Variants in PDE10A observed in about 807,000 individuals in gnomAD.
The protein encoded by PDE10A is cAMP and cAMP-inhibited cGMP 3',5'-cyclic phosphodiesterase 10A.
Under a neutral mutation model 97.7 loss-of-function variants are expected in PDE10A, and 39 were observed. The observed-to-expected ratio is 0.40, with a 90% CI of 0.31 to 0.52. PDE10A has a LOEUF of 0.52. Ranked by LOEUF, PDE10A falls within the 20% of genes least tolerant of loss-of-function variation. The pLI, the probability that PDE10A is intolerant of heterozygous loss-of-function variation, is 0.56. For synonymous variants in PDE10A, 371 were observed against 376.8 expected (o/e 0.98, Z 0.18); for missense variants, 731 against 1,047.8 (o/e 0.70, Z 4.17).
intron 1 of PDE10A, among the ~76,000 whole-genome samples, chr6:165,591,777 A>T (rs565972914): frequency 6.6e-6 from 1 of 152,318 alleles, no homozygotes; most frequent in African/African-American, 2.4e-5. Context: ...ATTGCCTTGA[A>T]TGGGGTTCTA....
intron 2 of PDE10A, among the ~76,000 whole-genome samples, chr6:165,504,079 C>T (rs887266598): frequency 3.9e-5 from 6 of 152,094 alleles, no homozygotes; most frequent in Admixed American, 1.3e-4. Flanking sequence ...AAAAGCACTG[C>T]GACTTATGGC....
At chr6:165,743,376 A>G (rs895273284) in intron 1 of PDE10A, among the ~76,000 whole-genome samples, 3 of 152,236 alleles carry the variant, frequency 2.0e-5, no homozygotes, top group African/African-American at 7.2e-5. Context: ...ACATTTGCAC[A>G]GTACTAATAA....
rs115523585 is a variant in PDE10A, at chr6:165,339,789, C to T, written c.2896-431G>A. Reference sequence around the variant, plus strand: ...ACAGAGGAAGATAAACATCACCAGTCGACTAAAATGTGCTAGTAAAGACGC... The same window carrying T: ...ACAGAGGAAGATAAACATCACCAGTTGACTAAAATGTGCTAGTAAAGACGC... On this transcript the variant is annotated intron_variant, in intron 19 of 21. Transcript: ENST00000539869. Among the ~76,000 whole-genome samples the T allele has an allele frequency of 1.2e-3, 178 of 152,232 alleles. 1 individual carries two copies. The highest frequency in any genetic ancestry group is 3.7e-3 in the African/African-American group (153 of 41,534).
At chr6:165,354,421 T>C (rs1182041937) in intron 18 of PDE10A, among the ~76,000 whole-genome samples, 3 of 152,212 alleles carry the variant, frequency 2.0e-5, no homozygotes, top group African/African-American at 7.2e-5. Context: ...ATCTTGTTTC[T>C]TTTGAACATG....
intron 5 of PDE10A, among the ~76,000 whole-genome samples, chr6:165,445,816 A>C (rs926078545): frequency 6.6e-6 from 1 of 152,190 alleles, no homozygotes; most frequent in Admixed American, 6.5e-5. Flanking sequence ...TCTCCAAGAA[A>C]GAAACTAGAA....
chr6:165,654,607 A>G (rs1789843549), intron 1 of PDE10A, among the ~76,000 whole-genome samples: 1 of 151,862 alleles, frequency 6.6e-6, no homozygotes, highest in Admixed American at 6.6e-5. Context: ...CCGACTTCCT[A>G]TTTCATCAAG....
At chr6:165,677,507 C>G (rs552580571) in intron 1 of PDE10A, among the ~76,000 whole-genome samples, 4 of 152,236 alleles carry the variant, frequency 2.6e-5, no homozygotes, top group African/African-American at 9.6e-5. Context: ...GCACTGAACA[C>G]CTCAAGACCT....
chr6:165,838,577 C>T (rs1409263873), intron 1 of PDE10A, among the ~76,000 whole-genome samples: 1 of 152,188 alleles, frequency 6.6e-6, no homozygotes, highest in African/African-American at 2.4e-5. Context: ...TTTCTCCTCC[C>T]CCAGCCCTGA....
At chr6:165,627,766 T>C (rs1008771278) in intron 1 of PDE10A, among the ~76,000 whole-genome samples, 1 of 152,260 alleles carries the variant, frequency 6.6e-6, no homozygotes, top group African/African-American at 2.4e-5. Context: ...ACTAAATATC[T>C]TTATTTTCCA....
chr6:165,519,019 AAAG>A (rs1781982630), intron 2 of PDE10A, among the ~76,000 whole-genome samples: 2 of 152,210 alleles, frequency 1.3e-5, no homozygotes, highest in South Asian at 4.1e-4. Context: ...TTTTGAATAA[AAAG>A]AAAGATGAGG....
At chr6:165,772,633 C>A (rs35184789) in intron 1 of PDE10A, among the ~76,000 whole-genome samples, 23,785 of 152,004 alleles carry the variant, frequency 0.16, 2,546 homozygotes, top group East Asian at 0.45. Flanking sequence ...TATGGTCCCA[C>A]GATGATGATT....
chr6:165,461,848 C>T (rs757572607), intron 3 of PDE10A, among the ~76,000 whole-genome samples: 3 of 152,240 alleles, frequency 2.0e-5, no homozygotes, highest in Non-Finnish European at 2.9e-5. Context: ...TATTATCCAA[C>T]GATGCCCAAC....
intron 1 of PDE10A, among the ~76,000 whole-genome samples, chr6:165,946,066 A>C (rs1783756111): frequency 9.4e-6 from 1 of 105,922 alleles, no homozygotes; most frequent in African/African-American, 5.3e-5. Flanking sequence ...TTGGGGTCAT[A>C]ACCAAAAAAA....
At chr6:165,427,613 C>T (rs1006553113) in intron 10 of PDE10A, among the ~76,000 whole-genome samples, 4 of 152,012 alleles carry the variant, frequency 2.6e-5, no homozygotes, top group Non-Finnish European at 4.4e-5. Context: ...ACCACTGAAT[C>T]GCACACTTTA....
chr6:165,397,373 G>A (rs1345194084), intron 13 of PDE10A, among the ~76,000 whole-genome samples: 1 of 152,062 alleles, frequency 6.6e-6, no homozygotes, highest in East Asian at 1.9e-4. Context: ...TTTTCTAAAG[G>A]ATAGTTCACC....
intron 1 of PDE10A, among the ~76,000 whole-genome samples, chr6:165,554,292 A>G (rs1159248061): frequency 6.6e-6 from 1 of 152,178 alleles, no homozygotes; most frequent in Non-Finnish European, 1.5e-5. Flanking sequence ...CAGAATATAT[A>G]AAGAGCTCAA....
chr6:165,863,961 A>C (rs1014670205), intron 1 of PDE10A, among the ~76,000 whole-genome samples: 1 of 152,198 alleles, frequency 6.6e-6, no homozygotes, highest in Non-Finnish European at 1.5e-5. Context: ...GGCATAAATA[A>C]CATGCCTAAA....
At chr6:165,446,997 A>C (rs1430067617) in intron 5 of PDE10A, among the ~76,000 whole-genome samples, 2 of 152,196 alleles carry the variant, frequency 1.3e-5, no homozygotes, top group Admixed American at 6.5e-5. Flanking sequence ...TGATACATAA[A>C]ATTACAATTT....
chr6:165,681,394 ATG>A (rs145137771), intron 1 of PDE10A, among the ~76,000 whole-genome samples: 14,057 of 149,588 alleles, frequency 0.094, 775 homozygotes, highest in Admixed American at 0.2. Flanking sequence ...TCTTGGGAAA[ATG>A]TGTGTGTGTG....
Sources: gnomAD v4.1 joint callset for allele counts (sites outside exome capture counted in the v4.1 genomes callset) on GRCh38, gnomAD v4.1.1 for gene constraint, MANE v1.5 for transcripts, NCBI Gene and HGNC (gene_info 2026-07-23, HGNC 2026-07-21) for gene names.